The following APBA1 variants were observed in gnomAD, a reference collection of about 807,000 sequenced individuals.
APBA1 encodes amyloid beta precursor protein binding family A member 1.
APBA1 carries 55 observed loss-of-function variants against 86.6 expected under a neutral mutation model. That is an observed-to-expected ratio of 0.64 (90% CI 0.51 to 0.80). The LOEUF (loss-of-function observed/expected upper bound fraction) is 0.80, where lower values mean the gene tolerates loss of function less well. Ranked by LOEUF, APBA1 falls within the 30% of genes least tolerant of loss-of-function variation. The pLI is 0.00. For missense variants in APBA1, 1,090 were observed against 1,183.0 expected, an observed-to-expected ratio of 0.92 and a Z score of 1.15; for synonymous variants, 511 against 493.9, an observed-to-expected ratio of 1.03 and a Z score of -0.46.
chr9:69,546,007 T>C (rs1026076289), intron 1 of APBA1, among the ~76,000 whole-genome samples: 1 of 152,228 alleles, frequency 6.6e-6, no homozygotes, highest in Non-Finnish European at 1.5e-5. Flanking sequence ...CATAAGTTTA[T>C]AAATTTTCTA....
intron 2 of APBA1, among the ~76,000 whole-genome samples, chr9:69,488,583 C>CAGGG (rs1318501864): frequency 6.6e-6 from 1 of 152,090 alleles, no homozygotes; most frequent in Non-Finnish European, 1.5e-5. Context: ...TACACATATG[C>CAGGG]AGGGATTCCT....
intron 1 of APBA1, among the ~76,000 whole-genome samples, chr9:69,661,676 G>A (rs1233787379): frequency 6.6e-6 from 1 of 152,092 alleles, no homozygotes; most frequent in African/African-American, 2.4e-5. Context: ...GGTCATGGGG[G>A]GTGAATCTCT....
In APBA1 at chr9:69,658,272, C is replaced by CT. The variant is rs1491183538; in HGVS notation, c.-70+13880dup. ...TCTTTCTTTCTTTCTTTCTTTCTTT[C>CT]TTTCTTTCTTTCTCTCTCTCTTTCT... On this transcript the variant is annotated intron_variant, in intron 1 of 12. Coordinates refer to ENST00000265381, the MANE Select transcript of APBA1 (RefSeq NM_001163.4). Among the ~76,000 whole-genome samples the CT allele has an allele frequency of 2.8e-4, 24 of 85,570 alleles. 1 individual carries two copies. Among genetic ancestry groups the CT allele is most frequent in the African/African-American group, 1.0e-3 (23 of 22,640 alleles). 56.1% of individuals were successfully genotyped at this position (85,570 alleles called of 152,430 possible).
At chr9:69,607,078 G>GT (rs1048002186) in intron 1 of APBA1, among the ~76,000 whole-genome samples, 2 of 152,148 alleles carry the variant, frequency 1.3e-5, no homozygotes, top group African/African-American at 4.8e-5. Flanking sequence ...TCAGCCTTTA[G>GT]TTTGTCTGTT....
chr9:69,597,355 A>T (rs1278183869), intron 1 of APBA1, among the ~76,000 whole-genome samples: 1 of 151,830 alleles, frequency 6.6e-6, no homozygotes, highest in Non-Finnish European at 1.5e-5. Context: ...CCACTTTTTG[A>T]TGGGGTTGTT....
intron 4 of APBA1, among the ~76,000 whole-genome samples, chr9:69,471,030 T>C (rs1835358777): frequency 6.6e-6 from 1 of 152,222 alleles, no homozygotes. Context: ...AGCCTGGGTC[T>C]GCACTGCCAA....
chr9:69,523,781 C>T (rs1836301243), intron 1 of APBA1, among the ~76,000 whole-genome samples: 1 of 151,872 alleles, frequency 6.6e-6, no homozygotes, highest in Admixed American at 6.6e-5. Flanking sequence ...ACATTCTTCT[C>T]AACTGCATGC....
intron 1 of APBA1, among the ~76,000 whole-genome samples, chr9:69,608,473 G>T (rs1403871643): frequency 6.6e-6 from 1 of 152,140 alleles, no homozygotes; most frequent in Non-Finnish European, 1.5e-5. Context: ...ATATGAAAAG[G>T]CCTAAAAGGA....
chr9:69,658,282 T>TTTTCTTTCTTTCTTTCTTTC (rs1564104904), intron 1 of APBA1, among the ~76,000 whole-genome samples: 2 of 39,790 alleles, frequency 5.0e-5, no homozygotes, highest in South Asian at 1.0e-3. Flanking sequence ...CTTTCTTTCT[T>TTTTCTTTCTTTCTTTCTTTC]TCTCTCTCTC....
intron 11 of APBA1, among the ~76,000 whole-genome samples, chr9:69,437,027 G>A (rs1386680693): frequency 1.3e-5 from 2 of 152,076 alleles, no homozygotes; most frequent in African/African-American, 2.4e-5. Flanking sequence ...TGCATCTATT[G>A]AGATAATCAT....
intron 2 of APBA1, among the ~76,000 whole-genome samples, chr9:69,487,276 C>CT (rs904132721): frequency 5.4e-4 from 82 of 152,168 alleles, no homozygotes; most frequent in African/African-American, 2.0e-3. Context: ...TCATTCAATA[C>CT]TGAAATGCTG....
chr9:69,501,905 C>T (rs887396747), intron 2 of APBA1, among the ~76,000 whole-genome samples: 2 of 152,076 alleles, frequency 1.3e-5, no homozygotes, highest in Non-Finnish European at 2.9e-5. Flanking sequence ...ACTTATTCAG[C>T]AAGCATGTCA....
At chr9:69,487,319 C>T (rs1422887728) in intron 2 of APBA1, among the ~76,000 whole-genome samples, 1 of 152,064 alleles carries the variant, frequency 6.6e-6, no homozygotes. Flanking sequence ...TCCCTGCCTC[C>T]CCCCAAAAAT....
intron 11 of APBA1, among the ~76,000 whole-genome samples, chr9:69,440,580 G>A (rs1162001783): frequency 6.6e-6 from 1 of 152,186 alleles, no homozygotes; most frequent in African/African-American, 2.4e-5. Context: ...GACCCTCCGA[G>A]CCAGGTGTGG....
At chr9:69,549,320 C>G (rs1836748403) in intron 1 of APBA1, among the ~76,000 whole-genome samples, 1 of 152,164 alleles carries the variant, frequency 6.6e-6, no homozygotes, top group Non-Finnish European at 1.5e-5. Context: ...TGTCATTCTC[C>G]AAACACTAAG....
intron 2 of APBA1, among the ~76,000 whole-genome samples, chr9:69,482,347 ATG>A (rs1835526566): frequency 6.6e-6 from 1 of 152,000 alleles, no homozygotes; most frequent in Non-Finnish European, 1.5e-5. Context: ...GAAGACATTT[ATG>A]CAGCCAAAAA....
chr9:69,565,089 G>A (rs1245737457), intron 1 of APBA1, among the ~76,000 whole-genome samples: 2 of 152,172 alleles, frequency 1.3e-5, no homozygotes, highest in East Asian at 3.8e-4. Flanking sequence ...AGAAGAAAAT[G>A]TTCTAAAATA....
At chr9:69,455,672 C>G (rs1564036060) in intron 8 of APBA1, among the ~76,000 whole-genome samples, 1 of 152,072 alleles carries the variant, frequency 6.6e-6, no homozygotes, top group Non-Finnish European at 1.5e-5. Flanking sequence ...TTTCCTGTAG[C>G]CCAGAGGATG....
rs1313255393 is a variant in APBA1 at position 69,516,832 on chromosome 9, C to G, written c.379G>C (p.Glu127Gln). 1 of 1,605,034 alleles carries G rather than the reference C, an allele frequency of 6.2e-7. No individual in the cohort carries two copies. Among genetic ancestry groups the G allele is most frequent in the Non-Finnish European group, 8.5e-7 (1 of 1,179,086 alleles). The change falls in exon 2 of 13, where the codon GAG (glutamate) becomes CAG (glutamine). Residue 127 changes from glutamate to glutamine, a missense_variant. Glu to Gln is a conservative substitution (Grantham distance 29, BLOSUM62 2). Coordinates refer to ENST00000265381, the MANE Select transcript of APBA1 (RefSeq NM_001163.4). This position sits in a 1 kb window ranked among gnomAD's most constrained non-coding sequence, Gnocchi z 7.3. ...GCCTCTGCCTGCTCCGTGTACTCCT[C>G]GGCCTCGGGCCGGTACTGCACAGCA... is the stretch of plus-strand genomic sequence containing the variant. ...AYAVQYRPEAEEYTEQAEAEH... is the reference protein window; with the variant it reads ...AYAVQYRPEAQEYTEQAEAEH...
Sources: gnomAD v4.1 joint callset for allele counts (sites outside exome capture counted in the v4.1 genomes callset) on GRCh38, gnomAD v4.1.1 for gene constraint, Gnocchi (gnomAD v3.1) non-coding constraint, MANE v1.5 for transcripts, NCBI Gene and HGNC (gene_info 2026-07-23, HGNC 2026-07-21) for gene names.